SNAPC1: variants seen among roughly 807,000 people sequenced by gnomAD.
SNAPC1 encodes snRNA-activating protein complex subunit 1.
SNAPC1 carries 42 observed loss-of-function variants against 50.1 expected under a neutral mutation model. That is an observed-to-expected ratio of 0.84 (90% CI 0.65 to 1.08). The LOEUF (loss-of-function observed/expected upper bound fraction) is 1.08, where lower values mean the gene tolerates loss of function less well. SNAPC1 is among the 50% of genes least tolerant of loss of function. The pLI is 0.00. For synonymous variants in SNAPC1, 164 were observed against 144.2 expected (o/e 1.14, Z -0.98); for missense variants, 477 against 427.3 (o/e 1.12, Z -1.02).
At chr14:61,794,822 G>C (rs2045176810) in intron 9 of SNAPC1, 127 bp from the exon 10 acceptor site, 3 of 719,058 alleles carry the variant, frequency 4.2e-6, no homozygotes, top group Admixed American at 4.5e-5. Context: ...TGTTGTACCA[G>C]TTAGACGTCT....
At chr14:61,766,186 G>T (rs1212872782) in intron 1 of SNAPC1, among the ~76,000 whole-genome samples, 1 of 152,152 alleles carries the variant, frequency 6.6e-6, no homozygotes, top group Non-Finnish European at 1.5e-5. Context: ...CTAAATATTT[G>T]CCCTGGCGTG....
chr14:61,778,892 C>T lies in SNAPC1; in HGVS notation c.807C>T (p.Ala269=). Residue 269 remains alanine, a synonymous_variant, in exon 7 of 10, where the codon GCC becomes GCT. Transcript: ENST00000216294. ...AESLAKIKSK[A]FSVVIQASKS... The stretch of plus-strand genomic sequence containing the variant: ...CATTAGCGAAAATAAAATCAAAGGC[C>T]TTTTCAGTTGTCATACAGGTAAGTT... The T allele has an allele frequency of 6.4e-7, 1 of 1,556,782 alleles. No homozygotes were observed.
chr14:61,773,704 T>C (rs1382771022), intron 4 of SNAPC1, among the ~76,000 whole-genome samples: 3 of 149,286 alleles, frequency 2.0e-5, no homozygotes, highest in Non-Finnish European at 3.0e-5. Flanking sequence ...CCTTTTTTTT[T>C]TTTTTATTTT....
At chr14:61,766,791 C>G (rs1392254865) in intron 1 of SNAPC1, 85 bp from the exon 2 acceptor site, 1 of 672,256 alleles carries the variant, frequency 1.5e-6, no homozygotes, top group Admixed American at 2.7e-5. Flanking sequence ...ATTATAACTA[C>G]CGTTTAAACA....
intron 8 of SNAPC1, among the ~76,000 whole-genome samples, chr14:61,789,434 T>C (rs1427929977): frequency 1.3e-5 from 2 of 152,092 alleles, no homozygotes; most frequent in Non-Finnish European, 2.9e-5. Context: ...AATCTAGATG[T>C]GTATGAAGTA....
At chr14:61,767,381 T>G (rs199771374) in intron 3 of SNAPC1, 29 bp downstream of exon 3, 1 of 1,366,158 alleles carries the variant, frequency 7.3e-7, no homozygotes, top group African/African-American at 1.5e-5. Flanking sequence ...TTTGGTTTTT[T>G]CAAAATGAGC....
In SNAPC1 at chr14:61,776,228, A is replaced by G; in HGVS notation, c.668A>G (p.His223Arg). 3.7e-6 allele frequency: 6 copies of G among 1,612,826 alleles called. No individual in the cohort carries two copies. Among genetic ancestry groups the G allele is most frequent in the Non-Finnish European group, 5.1e-6 (6 of 1,179,572 alleles). ...FDNIKNIVLE[H>R]QQWHKDRKNP... The stretch of plus-strand genomic sequence containing the variant: ...AATATTAAGAACATAGTTTTGGAGC[A>G]TCAGCAGTGGCACAAAGACAGAAAG... Residue 223 changes from histidine (H) to arginine (R), a missense_variant, in exon 5 of 10, where the codon CAT (histidine) becomes CGT (arginine). Transcript: ENST00000216294.
chr14:61,785,200 C>A (rs973162951), intron 8 of SNAPC1, among the ~76,000 whole-genome samples: 3 of 152,058 alleles, frequency 2.0e-5, no homozygotes, highest in Non-Finnish European at 2.9e-5. Context: ...GTTGGGAGTT[C>A]AAGACCAGCC....
At chr14:61,793,124 A>G (rs960321594) in intron 9 of SNAPC1, among the ~76,000 whole-genome samples, 3 of 152,244 alleles carry the variant, frequency 2.0e-5, no homozygotes, top group Non-Finnish European at 4.4e-5. Flanking sequence ...TAGGTATCCT[A>G]TCAGTTTCAT....
At chr14:61,781,190 C>T (rs1387333907) in intron 7 of SNAPC1, among the ~76,000 whole-genome samples, 2 of 152,052 alleles carry the variant, frequency 1.3e-5, no homozygotes, top group Non-Finnish European at 2.9e-5. Flanking sequence ...TGGCTCATGC[C>T]TGTAATCCCA....
chr14:61,768,275 C>G (rs2044963502), intron 3 of SNAPC1, among the ~76,000 whole-genome samples: 1 of 152,024 alleles, frequency 6.6e-6, no homozygotes, highest in Admixed American at 6.6e-5. Flanking sequence ...GAAAGACGTA[C>G]AAAATTGTTA....
chr14:61,779,496 T>C (rs182132027), intron 7 of SNAPC1, among the ~76,000 whole-genome samples: 3 of 152,148 alleles, frequency 2.0e-5, no homozygotes, highest in Admixed American at 6.5e-5. Flanking sequence ...ATTATATTGA[T>C]TTAAAAAAAT....
In SNAPC1 at chr14:61,778,408, A is replaced by G. The variant is rs141871712; in HGVS notation, c.762+268A>G. ...AGAGGATCAGGATCAGGCTTTTGTA[A>G]TATATCTTTTCTCACTTGTCAGCCT... On this transcript the variant is annotated intron_variant, in intron 6 of 9. Transcript: ENST00000216294. 1.2e-3 allele frequency among the ~76,000 whole-genome samples: 180 copies of G among 152,330 alleles called. 1 individual carries two copies. Among genetic ancestry groups the G allele is most frequent in the African/African-American group, 3.8e-3 (156 of 41,570 alleles).
chr14:61,781,548 A>G (rs191723204), intron 7 of SNAPC1, among the ~76,000 whole-genome samples: 1 of 152,184 alleles, frequency 6.6e-6, no homozygotes, highest in African/African-American at 2.4e-5. Context: ...CAAGTAAGGG[A>G]ATTCACCTAC....
At chr14:61,784,761 G>A (rs1456073996) in intron 8 of SNAPC1, among the ~76,000 whole-genome samples, 1 of 152,178 alleles carries the variant, frequency 6.6e-6, no homozygotes, top group Non-Finnish European at 1.5e-5. Context: ...GTGCACTTGT[G>A]TATTAGATTA....
chr14:61,768,507 A>G, intron 3 of SNAPC1, 129 bp from the exon 4 acceptor site: 1 of 570,194 alleles, frequency 1.8e-6, no homozygotes, highest in Non-Finnish European at 3.1e-6. Context: ...TAACAGATGT[A>G]CCCTTACAGC....
Position 61,767,361 on chromosome 14 carries a change from C to A in SNAPC1, c.429+9C>A. On this transcript the variant is annotated intron_variant, in intron 3 of 9. Transcript: ENST00000216294. ...CAGCAATGCCCAAATTGGTATGTTG[C>A]CTAAAATAATTTGGTTTTTTCAAAA... is the stretch of plus-strand genomic sequence containing the variant. 1 of 1,427,418 alleles carries A rather than the reference C, an allele frequency of 7.0e-7. No homozygotes were observed. The highest frequency in any genetic ancestry group is 9.2e-7 in the Non-Finnish European group (1 of 1,083,180). The allele number at this position is 1,427,418 out of a possible 1,614,324, so 88.4% of individuals were successfully genotyped here.
chr14:61,764,420 A>G (rs2044931907), intron 1 of SNAPC1, among the ~76,000 whole-genome samples: 1 of 152,204 alleles, frequency 6.6e-6, no homozygotes, highest in South Asian at 2.1e-4. Flanking sequence ...TGTTTGTTGT[A>G]CAGTTAATAA....
In SNAPC1 at chr14:61,778,904, C is replaced by CA. The variant is rs1284417448; in HGVS notation, c.820dup (p.Ile274AsnfsTer18). 1 of 1,528,140 alleles carries CA rather than the reference C, an allele frequency of 6.5e-7. No individual in the cohort carries two copies. The highest frequency in any genetic ancestry group is 8.9e-7 in the Non-Finnish European group (1 of 1,127,864). The allele number at this position is 1,528,140 out of a possible 1,614,324, so 94.7% of individuals were successfully genotyped here. A position where few individuals can be genotyped will look rare whatever the true frequency, so the allele number is the denominator to read the frequency against. On this transcript the variant is annotated frameshift_variant, in exon 7 of 10. Transcript: ENST00000216294. LOFTEE classifies it high-confidence loss of function. Reference sequence around the variant, plus strand: ...TAAAATCAAAGGCCTTTTCAGTTGTCATACAGGTAAGTTATTCTTTAATAA... The same window carrying CA: ...TAAAATCAAAGGCCTTTTCAGTTGTCAATACAGGTAAGTTATTCTTTAATAA...
Sources: gnomAD v4.1 joint callset for allele counts (sites outside exome capture counted in the v4.1 genomes callset) on GRCh38, gnomAD v4.1.1 for gene constraint, MANE v1.5 for transcripts, NCBI Gene and HGNC (gene_info 2026-07-23, HGNC 2026-07-21) for gene names.